The following LCLAT1 variants were observed in gnomAD, a reference collection of about 807,000 sequenced individuals.
The protein encoded by LCLAT1 is lysocardiolipin acyltransferase 1.
LCLAT1 carries 11 observed loss-of-function variants against 30.7 expected under a neutral mutation model. The observed-to-expected ratio is 0.36, with a 90% CI of 0.23 to 0.59. The LOEUF is 0.59. LCLAT1 is among the 20% of genes least tolerant of loss of function. The pLI is 0.77. For missense variants in LCLAT1, 402 were observed against 458.6 expected (o/e 0.88, Z 1.13); for synonymous variants, 155 against 151.3 (o/e 1.02, Z -0.18).
chr2:30,577,253 G>A (rs926980764), intron 5 of LCLAT1, among the ~76,000 whole-genome samples: 10 of 151,904 alleles, frequency 6.6e-5, no homozygotes, highest in Non-Finnish European at 8.8e-5. Flanking sequence ...TTGGCTACTC[G>A]GCACTGCATA....
rs193079971 is a variant in LCLAT1, at chr2:30,478,883, C to G, written c.-5+31500C>G. Among the ~76,000 whole-genome samples, 7 of 152,224 alleles carry G rather than the reference C, an allele frequency of 4.6e-5. No homozygotes were observed. In the East Asian group the frequency reaches 7.7e-4, roughly 17 times the overall value. On this transcript the variant is annotated intron_variant, in intron 1 of 5. Transcript: ENST00000379509. ...GTTAAGATTCAGATGGACTTGCTGA[C>G]TTGTGTTACATTGTAAAAGGGGAAT... is the stretch of plus-strand genomic sequence containing the variant.
chr2:30,602,166 T>C (rs1314858339), intron 5 of LCLAT1, among the ~76,000 whole-genome samples: 1 of 152,164 alleles, frequency 6.6e-6, no homozygotes, highest in Non-Finnish European at 1.5e-5. Flanking sequence ...AGGGCTTTCA[T>C]TGGCAAATAA....
intron 3 of LCLAT1, among the ~76,000 whole-genome samples, chr2:30,535,288 A>G (rs1454255175): frequency 6.6e-6 from 1 of 152,208 alleles, no homozygotes; most frequent in South Asian, 2.1e-4. Flanking sequence ...ATAAATTCCA[A>G]AACATTCCCT....
chr2:30,604,780 G>A (rs1217438732), intron 5 of LCLAT1, among the ~76,000 whole-genome samples: 3 of 151,890 alleles, frequency 2.0e-5, no homozygotes, highest in Non-Finnish European at 4.4e-5. Flanking sequence ...TTGAAGGATT[G>A]TTATCCACAG....
chr2:30,465,978 A>AT (rs11352299), intron 1 of LCLAT1, among the ~76,000 whole-genome samples: 43 of 151,562 alleles, frequency 2.8e-4, no homozygotes, highest in African/African-American at 9.4e-4. Context: ...TTTTTTTCTG[A>AT]TTTTTTTTAC....
chr2:30,557,970 T>G (rs963428137), intron 3 of LCLAT1, among the ~76,000 whole-genome samples: 4 of 152,212 alleles, frequency 2.6e-5, no homozygotes, highest in South Asian at 2.1e-4. Flanking sequence ...TTTTAACCTC[T>G]GCTTCACATA....
At chr2:30,637,556 C>T (rs891234841) in intron 5 of LCLAT1, among the ~76,000 whole-genome samples, 44 of 152,070 alleles carry the variant, frequency 2.9e-4, no homozygotes, top group African/African-American at 1.0e-3. Flanking sequence ...CAAAGCTTTT[C>T]CCATGGGCTT....
chr2:30,467,902 T>A (rs1682531416), intron 1 of LCLAT1, among the ~76,000 whole-genome samples: 1 of 152,248 alleles, frequency 6.6e-6, no homozygotes, highest in Admixed American at 6.5e-5. Flanking sequence ...CTGTTCACTC[T>A]GATGGTACTT....
rs115914640 is a variant in LCLAT1, at chr2:30,477,100, C to T, written c.-5+29717C>T. Among the ~76,000 whole-genome samples the T allele has an allele frequency of 6.6e-3, 1,012 of 152,224 alleles. 13 individuals carry two copies. The highest frequency in any genetic ancestry group is 0.021 in the African/African-American group (854 of 41,516). Reference sequence around the variant, plus strand: ...CATTCTTTGATGTTTAGTGAATCAACGCTTGTTCCTGTGCCTAAGAATCCT... The same window carrying T: ...CATTCTTTGATGTTTAGTGAATCAATGCTTGTTCCTGTGCCTAAGAATCCT... On this transcript the variant is annotated intron_variant, in intron 1 of 5. Transcript: ENST00000379509.
At chr2:30,608,228 G>A (rs1332750560) in intron 5 of LCLAT1, among the ~76,000 whole-genome samples, 1 of 151,642 alleles carries the variant, frequency 6.6e-6, no homozygotes, top group Admixed American at 6.6e-5. Context: ...GGCTGAGGCA[G>A]GAGAATAGCT....
At chr2:30,493,417 T>C (rs1683929364) in intron 1 of LCLAT1, among the ~76,000 whole-genome samples, 1 of 152,242 alleles carries the variant, frequency 6.6e-6, no homozygotes, top group South Asian at 2.1e-4. Context: ...GAAGTATTTC[T>C]ACAAAGTCAT....
intron 1 of LCLAT1, among the ~76,000 whole-genome samples, chr2:30,487,396 A>T (rs1001800615): frequency 3.9e-5 from 6 of 152,242 alleles, no homozygotes; most frequent in African/African-American, 1.4e-4. Context: ...TGAAACAAAC[A>T]TAAAATAGTG....
chr2:30,563,065 T>A (rs985402715), intron 4 of LCLAT1, among the ~76,000 whole-genome samples: 2 of 152,038 alleles, frequency 1.3e-5, no homozygotes, highest in Non-Finnish European at 2.9e-5. Context: ...TTTTTTTTTT[T>A]TCTTTTTTGA....
rs1231531830 is a variant in LCLAT1, at chr2:30,588,994, GA to G, written c.628+20825del. ...ATTGCAGAAAACTTCAAAGGTTATT[GA>G]AAAAAATCTTAACATTATGAATTGC... On this transcript the variant is annotated intron_variant, in intron 5 of 5. Transcript: ENST00000379509. 2.0e-5 allele frequency among the ~76,000 whole-genome samples: 3 copies of G among 152,146 alleles called. No homozygotes were observed. The East Asian group carries it at 5.8e-4, about 29-fold the overall frequency.
At chr2:30,622,754 G>C (rs1668324619) in intron 5 of LCLAT1, among the ~76,000 whole-genome samples, 1 of 152,264 alleles carries the variant, frequency 6.6e-6, no homozygotes, top group East Asian at 1.9e-4. Flanking sequence ...AGGGGAAGGG[G>C]GAGAGCACCA....
At chr2:30,569,945 C>T (rs899370342) in intron 5 of LCLAT1, among the ~76,000 whole-genome samples, 30 of 151,766 alleles carry the variant, frequency 2.0e-4, no homozygotes, top group Admixed American at 1.8e-3. Flanking sequence ...TGGAGAGGCA[C>T]GAAGACATTC....
chr2:30,611,271 A>G (rs1667726684), intron 5 of LCLAT1, among the ~76,000 whole-genome samples: 1 of 152,150 alleles, frequency 6.6e-6, no homozygotes, highest in East Asian at 1.9e-4. Flanking sequence ...AAACCAAAGC[A>G]TATATTCTAA....
intron 5 of LCLAT1, among the ~76,000 whole-genome samples, chr2:30,594,838 A>T (rs1313505660): frequency 6.6e-6 from 1 of 152,226 alleles, no homozygotes; most frequent in Admixed American, 6.5e-5. Context: ...TACAAAGTTT[A>T]TGCTACATTT....
At chr2:30,587,843 G>C (rs1341755140) in intron 5 of LCLAT1, among the ~76,000 whole-genome samples, 2 of 151,772 alleles carry the variant, frequency 1.3e-5, no homozygotes, top group Non-Finnish European at 2.9e-5. Flanking sequence ...TTTTATCCAA[G>C]ATCAATGATT....
Sources: gnomAD v4.1 joint callset for allele counts (sites outside exome capture counted in the v4.1 genomes callset) on GRCh38, gnomAD v4.1.1 for gene constraint, MANE v1.5 for transcripts, NCBI Gene and HGNC (gene_info 2026-07-23, HGNC 2026-07-21) for gene names.